AGBL4: variants seen among roughly 807,000 people sequenced by gnomAD.
AGBL4 encodes the protein AGBL carboxypeptidase 4.
In AGBL4, 58 loss-of-function variants were observed where a neutral mutation model predicts 66.4. The observed-to-expected ratio is 0.87, with a 90% CI of 0.71 to 1.09. AGBL4 has a LOEUF of 1.09. AGBL4 is among the 50% of genes least tolerant of loss of function. The pLI is 0.00. For missense variants in AGBL4, 579 were observed against 631.0 expected, an observed-to-expected ratio of 0.92 and a Z score of 0.88; for synonymous variants, 234 against 222.9, an observed-to-expected ratio of 1.05 and a Z score of -0.44.
At chr1:49,767,946 A>C (rs777507126) in intron 2 of AGBL4, among the ~76,000 whole-genome samples, 1 of 151,942 alleles carries the variant, frequency 6.6e-6, no homozygotes, top group East Asian at 1.9e-4. Flanking sequence ...TCGAAAATTG[A>C]ATCAGTTGCA....
intron 3 of AGBL4, among the ~76,000 whole-genome samples, chr1:49,445,831 T>C (rs1646142168): frequency 6.6e-6 from 1 of 152,042 alleles, no homozygotes; most frequent in South Asian, 2.1e-4. Flanking sequence ...TTCTTTAAAA[T>C]CCATATTTAT....
intron 5 of AGBL4, among the ~76,000 whole-genome samples, chr1:48,899,722 T>C (rs1442125462): frequency 1.3e-5 from 2 of 152,258 alleles, no homozygotes; most frequent in Non-Finnish European, 2.9e-5. Context: ...AAATTCAACT[T>C]TATTCTTTCA....
At chr1:48,525,341 G>A in the AGBL4 span, among the ~76,000 whole-genome samples, 1 of 152,170 alleles carries the variant, frequency 6.6e-6, no homozygotes, top group South Asian at 2.1e-4. Flanking sequence ...TGAAGGAGGG[G>A]TCTTGTAGAA....
chr1:48,817,991 C>T (rs1646221548), intron 6 of AGBL4: 1 of 707,164 alleles, frequency 1.4e-6, no homozygotes, highest in Admixed American at 2.0e-5. Flanking sequence ...TTCTTAAGCA[C>T]CTGAGAGTCT....
intron 5 of AGBL4, among the ~76,000 whole-genome samples, chr1:48,982,869 T>C (rs1659889738): frequency 1.3e-5 from 2 of 152,120 alleles, no homozygotes; most frequent in African/African-American, 4.8e-5. Context: ...ACCTGTTGTT[T>C]CCTGACTTTT....
At chr1:49,380,060 T>A (rs1338049002) in intron 3 of AGBL4, among the ~76,000 whole-genome samples, 1 of 152,256 alleles carries the variant, frequency 6.6e-6, no homozygotes, top group East Asian at 1.9e-4. Flanking sequence ...GAAGTCAAGT[T>A]GTCCCTGTTT....
chr1:48,524,142 C>A, the AGBL4 span, among the ~76,000 whole-genome samples: 15 of 152,188 alleles, frequency 9.9e-5, no homozygotes, highest in African/African-American at 3.4e-4. Flanking sequence ...TTAGAGCAGG[C>A]CCTCAGTGAG....
intron 3 of AGBL4, among the ~76,000 whole-genome samples, chr1:49,534,122 C>G (rs1460844418): frequency 8.3e-6 from 1 of 120,460 alleles, no homozygotes; most frequent in African/African-American, 3.1e-5. Flanking sequence ...TGTGTTAGCT[C>G]ATTAAATCCT....
chr1:49,282,674 C>T (rs531357219), intron 3 of AGBL4, among the ~76,000 whole-genome samples: 139 of 152,246 alleles, frequency 9.1e-4, no homozygotes, highest in African/African-American at 3.0e-3. Flanking sequence ...GCACCGTGCG[C>T]GAGCCAAAGC....
chr1:48,545,727 T>TAAACC (rs1370693739), intron 11 of AGBL4, among the ~76,000 whole-genome samples: 3 of 152,138 alleles, frequency 2.0e-5, no homozygotes, highest in African/African-American at 7.2e-5. Flanking sequence ...CTCAAAGCAA[T>TAAACC]AAACCAGGAG....
intron 3 of AGBL4, among the ~76,000 whole-genome samples, chr1:49,531,151 T>C (rs2148813935): frequency 6.6e-6 from 1 of 152,236 alleles, no homozygotes. Flanking sequence ...GGAGAGTGAC[T>C]TCACAGGATA....
At chr1:48,836,470 A>G (rs1210794825) in intron 6 of AGBL4, among the ~76,000 whole-genome samples, 1 of 152,064 alleles carries the variant, frequency 6.6e-6, no homozygotes, top group Non-Finnish European at 1.5e-5. Context: ...TGCGGGAATG[A>G]TACTCATGCC....
chr1:49,129,402 T>C (rs1374618978), intron 4 of AGBL4, among the ~76,000 whole-genome samples: 1 of 151,910 alleles, frequency 6.6e-6, no homozygotes, highest in East Asian at 1.9e-4. Flanking sequence ...CATGCTGGTG[T>C]GCTGCACCCA....
intron 3 of AGBL4, among the ~76,000 whole-genome samples, chr1:49,480,165 T>A (rs1646927194): frequency 6.6e-6 from 1 of 152,058 alleles, no homozygotes; most frequent in African/African-American, 2.4e-5. Context: ...ATAATGAGGT[T>A]GCTGGGTCAA....
chr1:48,820,568 G>C (rs1233989619), intron 6 of AGBL4, among the ~76,000 whole-genome samples: 1 of 152,138 alleles, frequency 6.6e-6, no homozygotes, highest in Non-Finnish European at 1.5e-5. Flanking sequence ...ATTATTCCCT[G>C]AATAAGAGGC....
intron 3 of AGBL4, among the ~76,000 whole-genome samples, chr1:49,311,578 A>T (rs184651314): frequency 1.2e-4 from 19 of 152,210 alleles, no homozygotes; most frequent in African/African-American, 4.3e-4. Context: ...ATTTACATAA[A>T]TAAAGTTATC....
intron 2 of AGBL4, among the ~76,000 whole-genome samples, chr1:49,735,717 G>T (rs1486964174): frequency 6.6e-6 from 1 of 151,986 alleles, no homozygotes; most frequent in Non-Finnish European, 1.5e-5. Flanking sequence ...ATACTACCTT[G>T]GGCAAAGTGT....
At chr1:48,941,566 G>A (rs1655977188) in intron 5 of AGBL4, among the ~76,000 whole-genome samples, 2 of 152,280 alleles carry the variant, frequency 1.3e-5, no homozygotes, top group Middle Eastern at 3.4e-3. Flanking sequence ...ATAAACACTT[G>A]TAAGACTCCT....
chr1:50,005,393 G>A (rs1264398168), intron 1 of AGBL4, among the ~76,000 whole-genome samples: 1 of 152,086 alleles, frequency 6.6e-6, no homozygotes, highest in African/African-American at 2.4e-5. Context: ...AACCAAGATG[G>A]TACCTATTAG....
Sources: allele counts gnomAD v4.1 joint callset (sites outside exome capture counted in the v4.1 genomes callset), GRCh38; gene constraint gnomAD v4.1.1; transcripts MANE v1.5; gene names NCBI Gene and HGNC (gene_info 2026-07-23, HGNC 2026-07-21).